HK3: variants seen among roughly 807,000 people sequenced by gnomAD.
The protein encoded by HK3 is hexokinase-3.
HK3 carries 93 observed loss-of-function variants against 91.0 expected under a neutral mutation model. The ratio of observed to expected loss-of-function variants is 1.02; its 90% CI spans 0.86 to 1.21. The LOEUF (loss-of-function observed/expected upper bound fraction) is 1.21, where lower values mean the gene tolerates loss of function less well. Among genes scored for constraint, HK3 ranks in the 50% most tolerant of loss-of-function variants. HK3 has a pLI of 0.00. For synonymous variants in HK3, 519 were observed against 516.9 expected (o/e 1.00, Z -0.06); for missense variants, 1,235 against 1,247.4 (o/e 0.99, Z 0.15).
At chr5:176,885,564 G>A (rs1348977153) in intron 13 of HK3, among the ~76,000 whole-genome samples, 1 of 152,054 alleles carries the variant, frequency 6.6e-6, no homozygotes, top group Non-Finnish European at 1.5e-5. Flanking sequence ...TGGAATTACA[G>A]GCACACACTG....
intron 2 of HK3, among the ~76,000 whole-genome samples, chr5:176,891,799 A>G (rs1581301657): frequency 6.6e-6 from 1 of 151,120 alleles, no homozygotes; most frequent in Non-Finnish European, 1.5e-5. Context: ...TACATCCTCT[A>G]CCCTACCCCT....
At position 176,884,016 on chromosome 5, in the gene HK3, G is replaced by A. The variant is rs770687574; in HGVS notation, c.1953+23C>T. The A allele has an allele frequency of 1.9e-6, 3 of 1,610,270 alleles. No individual in the cohort carries two copies. Among genetic ancestry groups the A allele is most frequent in the African/African-American group, 1.3e-5 (1 of 74,860 alleles). The stretch of plus-strand genomic sequence containing the variant: ...CCTCAAGGCCTGCCACAGCCCCAAA[G>A]CACCCCTAGAACAGGCTCCTACCTG... On this transcript the variant is annotated intron_variant, in intron 14 of 18. Coordinates refer to ENST00000292432, the MANE Select transcript of HK3 (RefSeq NM_002115.3). The surrounding 1 kb of genome is among the most constrained non-coding windows in gnomAD (Gnocchi z 4.1).
At chr5:176,894,777 C>CTTTT (rs550204831) in intron 2 of HK3, among the ~76,000 whole-genome samples, 1 of 138,006 alleles carries the variant, frequency 7.2e-6, no homozygotes, top group African/African-American at 2.7e-5. Flanking sequence ...TATGCAAGTC[C>CTTTT]TTTTTTTTTT....
chr5:176,891,601 G>C, intron 2 of HK3, 51 bp from the exon 3 acceptor site: 1 of 1,563,272 alleles, frequency 6.4e-7, no homozygotes, highest in Non-Finnish European at 8.7e-7. Context: ...GGGCTGGCCA[G>C]ACTCCCCACC....
In HK3 at chr5:176,887,826, C is replaced by A. The variant is rs1232413526; in HGVS notation, c.1305-80G>T. On this transcript the variant is annotated intron_variant, in intron 10 of 18. Transcript: ENST00000292432. This position sits in a 1 kb window ranked among gnomAD's most constrained non-coding sequence, Gnocchi z 4.9. ...GGTGTGCACGGCTTGGCCCTGGACC[C>A]CCAGATACATACAGGTGTGCCCAGC... 1 of 1,459,338 alleles carries A rather than the reference C, an allele frequency of 6.9e-7. No homozygotes were observed. Among genetic ancestry groups the A allele is most frequent in the Non-Finnish European group, 9.3e-7 (1 of 1,074,192 alleles). The allele number at this position is 1,459,338 out of a possible 1,614,324, so 90.4% of individuals were successfully genotyped here. A position where few individuals can be genotyped will look rare whatever the true frequency, so the allele number is the denominator to read the frequency against.
At chr5:176,890,552 C>G (rs1758737717) in intron 6 of HK3, 83 bp downstream of exon 6, 1 of 1,162,012 alleles carries the variant, frequency 8.6e-7, no homozygotes, top group East Asian at 2.3e-5. Context: ...GAAAGCAACT[C>G]TCTCAGAAGC....
Position 176,881,813 on chromosome 5 carries a change from C to G in HK3, c.2272G>C (p.Glu758Gln), listed in dbSNP as rs148073791. The change falls in exon 17 of 19, where the codon GAG (glutamate) becomes CAG (glutamine). Residue 758 changes from glutamate to glutamine, a missense_variant. Physicochemically the swap from Glu to Gln is conservative, Grantham distance 29. Transcript: ENST00000292432. ...TGTAAAAGGATGTGGCGGACGATCT[C>G]CCCCAGGTACATGCCGCTGATCATC... is the stretch of plus-strand genomic sequence containing the variant. ...EKMISGMYLG[E>Q]IVRHILLHLT... 7 of 1,613,972 alleles carry G rather than the reference C, an allele frequency of 4.3e-6. No homozygotes were observed. The highest frequency in any genetic ancestry group is 5.9e-6 in the Non-Finnish European group (7 of 1,180,038).
intron 2 of HK3, 75 bp downstream of exon 2, chr5:176,895,989 C>T: frequency 8.2e-7 from 1 of 1,220,776 alleles, no homozygotes; most frequent in Non-Finnish European, 1.2e-6. Flanking sequence ...AGCCCAGGGC[C>T]CCATGGCAGC....
chr5:176,883,736 C>T, intron 15 of HK3, 34 bp downstream of exon 15: 4 of 1,537,136 alleles, frequency 2.6e-6, no homozygotes, highest in Non-Finnish European at 2.7e-6. Flanking sequence ...AATTGCCAAG[C>T]AGTAGGGGCA....
chr5:176,896,403 A>T (rs1758911165), intron 1 of HK3, among the ~76,000 whole-genome samples: 1 of 152,256 alleles, frequency 6.6e-6, no homozygotes, highest in Non-Finnish European at 1.5e-5. Context: ...GGCTGATTTC[A>T]GTCCAAATGC....
chr5:176,882,825 C>G (rs1758478421), intron 15 of HK3, among the ~76,000 whole-genome samples: 1 of 152,216 alleles, frequency 6.6e-6, no homozygotes, highest in South Asian at 2.1e-4. Context: ...AAGGTGGGCT[C>G]CTTGCTGGCC....
chr5:176,881,807 C>T lies in HK3; in HGVS notation c.2278G>A (p.Val760Ile), dbSNP rs748158768. 57 of 1,614,004 alleles carry T rather than the reference C, an allele frequency of 3.5e-5. No homozygotes were observed. In the Middle Eastern group the frequency reaches 4.9e-4, roughly 14 times the overall value. Residue 760 changes from valine (V) to isoleucine (I), a missense_variant, in exon 17 of 19, where the codon GTC (valine) becomes ATC (isoleucine). Physicochemically the swap from Val to Ile is conservative, Grantham distance 29 (BLOSUM62 3). Coordinates refer to ENST00000292432, the MANE Select transcript of HK3 (RefSeq NM_002115.3). Reference sequence around the variant, plus strand: ...GTTAAATGTAAAAGGATGTGGCGGACGATCTCCCCCAGGTACATGCCGCTG... The same window carrying T: ...GTTAAATGTAAAAGGATGTGGCGGATGATCTCCCCCAGGTACATGCCGCTG... ...MISGMYLGEI[V>I]RHILLHLTSL... is the part of the protein sequence containing the mutation.
At position 176,881,696 on chromosome 5, in the gene HK3, C is replaced by T. The variant is rs186159698; in HGVS notation, c.2389G>A (p.Glu797Lys). Residue 797 changes from glutamate (E) to lysine (K), a missense_variant, in exon 17 of 19, where the codon GAA (glutamate) becomes AAA (lysine). Coordinates refer to ENST00000292432, the MANE Select transcript of HK3 (RefSeq NM_002115.3). ...IFKTKFLSEI[E>K]SDSLALRQVR... ...GGCAATGTAGGCCTCAGGCACCTTT[C>T]GATCTCAGAGAGGAACTTGGTCTTG... 64 of 1,614,088 alleles carry T rather than the reference C, an allele frequency of 4.0e-5. No individual in the cohort carries two copies. The highest frequency in any genetic ancestry group is 1.6e-4 in the Middle Eastern group (1 of 6,062).
chr5:176,898,511 C>T (rs997315918), intron 1 of HK3, among the ~76,000 whole-genome samples: 6 of 152,132 alleles, frequency 3.9e-5, no homozygotes, highest in African/African-American at 1.4e-4. Context: ...TTCTCAAGGC[C>T]CAGCTAGTTC....
At position 176,888,804 on chromosome 5, in the gene HK3, G is replaced by A. The variant is rs1055090591; in HGVS notation, c.975C>T (p.His325=). 1 of 1,614,208 alleles carries A rather than the reference G, an allele frequency of 6.2e-7. No homozygotes were observed. Among genetic ancestry groups the A allele is most frequent in the Non-Finnish European group, 8.5e-7 (1 of 1,180,036 alleles). ...LGELVRLVLA[H]LARCGVLFGG... is the part of the protein sequence containing the mutation. Reference sequence around the variant, plus strand: ...CAAAGAGGACCCCACACCGGGCCAAGTGAGCCAGCACCAGCCGCACCAGCT... The same window carrying A: ...CAAAGAGGACCCCACACCGGGCCAAATGAGCCAGCACCAGCCGCACCAGCT... Residue 325 remains histidine (H), a synonymous_variant, in exon 9 of 19, where the codon CAC becomes CAT. Transcript: ENST00000292432.
intron 9 of HK3, 62 bp downstream of exon 9, chr5:176,888,647 G>A (rs1758669759): frequency 1.2e-6 from 2 of 1,611,612 alleles, no homozygotes; most frequent in South Asian, 1.1e-5. Context: ...CTTGGGAACA[G>A]AGTATCATCC....
chr5:176,887,897 C>G lies in HK3; in HGVS notation c.1305-151G>C, dbSNP rs1204262602. 14 of 547,740 alleles carry G rather than the reference C, an allele frequency of 2.6e-5. No homozygotes were observed. In the East Asian group the frequency reaches 5.0e-4, roughly 20 times the overall value. The allele number at this position is 547,740 out of a possible 1,614,324, so 33.9% of individuals were successfully genotyped here. ...CCTCCTGAAGCCCAAGGCCCCATCA[C>G]TTTTTTTTTTTTATTTTTGTAGATA... On this transcript the variant is annotated intron_variant, in intron 10 of 18. Transcript: ENST00000292432. This position sits in a 1 kb window ranked among gnomAD's most constrained non-coding sequence, Gnocchi z 4.9.
At chr5:176,898,865 G>GCTTGCAC (rs1459909134) in intron 1 of HK3, among the ~76,000 whole-genome samples, 6 of 152,202 alleles carry the variant, frequency 3.9e-5, no homozygotes, top group Admixed American at 3.9e-4. Context: ...GGGTGTGGTG[G>GCTTGCAC]CTTGCACCTG....
rs377604241 is a variant in HK3 at position 176,891,433 on chromosome 5, C to T, written c.214G>A (p.Val72Ile). The T allele has an allele frequency of 1.9e-6, 3 of 1,613,894 alleles. No homozygotes were observed. In the African/African-American group the frequency reaches 4.0e-5, roughly 22 times the overall value. The part of the protein sequence containing the change: ...LRGQASPAPA[V>I]RMLPTYVGST... ...CCCACGTATGTAGGCAGCATCCGGA[C>T]CGCAGGGGCAGGGCTGGCCTGTCCC... Residue 72 changes from valine (V) to isoleucine (I), a missense_variant, in exon 3 of 19, where the codon GTC (valine) becomes ATC (isoleucine). Physicochemically the swap from Val to Ile is conservative, Grantham distance 29. Transcript: ENST00000292432.
Sources: allele counts gnomAD v4.1 joint callset (sites outside exome capture counted in the v4.1 genomes callset), GRCh38; gene constraint gnomAD v4.1.1; non-coding constraint Gnocchi (gnomAD v3.1); transcripts MANE v1.5; gene names NCBI Gene and HGNC (gene_info 2026-07-23, HGNC 2026-07-21).